SNTG1: variants seen among roughly 807,000 people sequenced by gnomAD.
The protein encoded by SNTG1 is gamma-1-syntrophin.
A neutral mutation model predicts 74.7 loss-of-function variants in SNTG1; 39 were observed. That is an observed-to-expected ratio of 0.52 (90% confidence interval 0.40 to 0.68). The LOEUF is 0.68. Among genes scored for constraint, SNTG1 ranks in the 30% least tolerant of loss-of-function variants. The pLI is 0.00. For synonymous variants in SNTG1, 254 were observed against 217.1 expected (o/e 1.17, Z -1.49); for missense variants, 685 against 609.5 (o/e 1.12, Z -1.30).
rs1410035156 is a variant in SNTG1 at position 50,793,471 on chromosome 8, T to C, written c.*642T>C. 1 of 151,976 alleles carries C rather than the reference T, an allele frequency of 6.6e-6. No homozygotes were observed. Among genetic ancestry groups the C allele is most frequent in the African/African-American group, 2.4e-5 (1 of 41,442 alleles). 9.4% of individuals were successfully genotyped at this position (151,976 alleles called of 1,614,324 possible). ...TTACATTGACCCATGATAGATACAA[T>C]GTGAAATGGACTATTCTCCCTTGGA... On this transcript the variant is annotated 3_prime_UTR_variant, in exon 19 of 19. Transcript: ENST00000642720.
At chr8:50,494,118 T>TAC (rs1457642189) in intron 8 of SNTG1, among the ~76,000 whole-genome samples, 34 of 151,218 alleles carry the variant, frequency 2.2e-4, no homozygotes, top group South Asian at 6.3e-4. Context: ...TATATGTATA[T>TAC]ATACACACAC....
intron 8 of SNTG1, among the ~76,000 whole-genome samples, chr8:50,482,243 T>C (rs1029639646): frequency 2.0e-5 from 3 of 152,152 alleles, no homozygotes; most frequent in African/African-American, 7.2e-5. Context: ...TTTCCTCCTC[T>C]TCTTACTAAC....
intron 1 of SNTG1, among the ~76,000 whole-genome samples, chr8:50,140,365 T>C (rs192782122): frequency 6.6e-6 from 1 of 152,320 alleles, no homozygotes; most frequent in Admixed American, 6.5e-5. Flanking sequence ...GCTTCCTTTC[T>C]CAGCCAGATT....
chr8:50,318,826 CT>C (rs1394260747), intron 2 of SNTG1, among the ~76,000 whole-genome samples: 8 of 152,028 alleles, frequency 5.3e-5, no homozygotes, highest in African/African-American at 1.9e-4. Context: ...TATCATCAAC[CT>C]TCTATTTTAA....
chr8:50,501,965 A>C (rs556735322), intron 8 of SNTG1, among the ~76,000 whole-genome samples: 1 of 152,272 alleles, frequency 6.6e-6, no homozygotes. Flanking sequence ...TGTGTTTGCT[A>C]TAAGTAACTC....
At chr8:50,104,249 A>G (rs905060165) in intron 1 of SNTG1, among the ~76,000 whole-genome samples, 65 of 152,176 alleles carry the variant, frequency 4.3e-4, no homozygotes, top group African/African-American at 1.4e-3. Context: ...GCCTGTTATT[A>G]GTCTATTCAG....
intron 2 of SNTG1, among the ~76,000 whole-genome samples, chr8:50,312,697 A>C (rs2130762340): frequency 6.7e-6 from 1 of 150,120 alleles, no homozygotes; most frequent in East Asian, 2.0e-4. Flanking sequence ...ACATGGCAAA[A>C]TATGTTCATC....
intron 2 of SNTG1, among the ~76,000 whole-genome samples, chr8:50,198,310 ACTTGTC>A (rs2083856837): frequency 6.6e-6 from 1 of 152,206 alleles, no homozygotes; most frequent in Non-Finnish European, 1.5e-5. Flanking sequence ...CCCTTTGGCG[ACTTGTC>A]CTGCTAATAG....
At chr8:50,613,569 G>A (rs2094865883) in intron 13 of SNTG1, among the ~76,000 whole-genome samples, 1 of 152,110 alleles carries the variant, frequency 6.6e-6, no homozygotes, top group Non-Finnish European at 1.5e-5. Context: ...ATTTTGGGAA[G>A]CACAGATATC....
intron 8 of SNTG1, among the ~76,000 whole-genome samples, chr8:50,478,871 G>C (rs2093717349): frequency 6.6e-6 from 1 of 152,046 alleles, no homozygotes; most frequent in Non-Finnish European, 1.5e-5. Context: ...GGAATACATA[G>C]ACATCCCATA....
In SNTG1 at chr8:50,627,009, G is replaced by A. The variant is rs1380863623; in HGVS notation, c.850-29900G>A. On this transcript the variant is annotated intron_variant, in intron 13 of 18. Transcript: ENST00000642720. ...TTTATTTTTCACTATTGATGTTGAT[G>A]TTTTTATTTGTGTATTGATTTTGTC... 2.0e-5 allele frequency among the ~76,000 whole-genome samples: 3 copies of A among 152,084 alleles called. No individual in the cohort carries two copies. In the East Asian group the frequency reaches 5.8e-4, roughly 29 times the overall value.
intron 13 of SNTG1, among the ~76,000 whole-genome samples, chr8:50,639,188 AAAT>A (rs1226978408): frequency 6.6e-6 from 1 of 150,578 alleles, no homozygotes; most frequent in Non-Finnish European, 1.5e-5. Context: ...TTGTGTTATA[AAAT>A]AATGATAGTG....
chr8:50,183,078 T>C (rs2083264081), intron 2 of SNTG1, among the ~76,000 whole-genome samples: 1 of 152,124 alleles, frequency 6.6e-6, no homozygotes, highest in Non-Finnish European at 1.5e-5. Flanking sequence ...CCCATTCTGT[T>C]ACCTTGCTCC....
intron 11 of SNTG1, among the ~76,000 whole-genome samples, chr8:50,544,723 C>A (rs2094373828): frequency 6.6e-6 from 1 of 152,006 alleles, no homozygotes; most frequent in Admixed American, 6.6e-5. Context: ...TAGCACTATT[C>A]AGAATGGATT....
intron 1 of SNTG1, among the ~76,000 whole-genome samples, chr8:49,930,249 A>G (rs1807443265): frequency 1.0e-5 from 1 of 97,614 alleles, no homozygotes; most frequent in African/African-American, 4.2e-5. Flanking sequence ...ATAGAAAACC[A>G]CATCCAGGAA....
intron 12 of SNTG1, among the ~76,000 whole-genome samples, chr8:50,554,990 C>T (rs1226936801): frequency 6.6e-6 from 1 of 152,120 alleles, no homozygotes; most frequent in Non-Finnish European, 1.5e-5. Flanking sequence ...CATATTTCTT[C>T]AAACGTCTAT....
chr8:50,697,959 T>C (rs1051690612), intron 15 of SNTG1, among the ~76,000 whole-genome samples: 2 of 152,156 alleles, frequency 1.3e-5, no homozygotes, highest in Non-Finnish European at 2.9e-5. Flanking sequence ...TATAATAAGT[T>C]AGGGAGAAAT....
rs59221694 is a variant in SNTG1, at chr8:50,763,856, AACACACACACACACAC to A, written c.1395+11781_1395+11796del. Among the ~76,000 whole-genome samples, 70 of 103,498 alleles carry A rather than the reference AACACACACACACACAC, an allele frequency of 6.8e-4. 1 individual carries two copies. Among genetic ancestry groups the A allele is most frequent in the South Asian group, 1.9e-3 (5 of 2,590 alleles). 67.9% of individuals were successfully genotyped at this position (103,498 alleles called of 152,430 possible). ...AGATAAGCTCTAAAATTAATACAGA[AACACACACACACACAC>A]ACACACACACACACACACACACACA... is the stretch of plus-strand genomic sequence containing the variant. On this transcript the variant is annotated intron_variant, in intron 18 of 18. Transcript: ENST00000642720.
intron 2 of SNTG1, among the ~76,000 whole-genome samples, chr8:50,327,454 G>T (rs987159224): frequency 6.6e-6 from 1 of 152,088 alleles, no homozygotes; most frequent in African/African-American, 2.4e-5. Context: ...TTAGTCTGCT[G>T]TCTCTGAAAT....
Sources: gnomAD v4.1 joint callset for allele counts (sites outside exome capture counted in the v4.1 genomes callset) on GRCh38, gnomAD v4.1.1 for gene constraint, MANE v1.5 for transcripts, NCBI Gene and HGNC (gene_info 2026-07-23, HGNC 2026-07-21) for gene names.